The following KRTAP19-2 variants were observed in gnomAD, a reference collection of about 807,000 sequenced individuals.
The protein encoded by KRTAP19-2 is keratin associated protein 19-2.
Under a neutral mutation model 0.3 loss-of-function variants are expected in KRTAP19-2, and 2 were observed. The observed-to-expected ratio is 6.87, with a 90% CI of 2.81 to 21.61. KRTAP19-2 has a LOEUF of 21.61. Ranked by LOEUF, KRTAP19-2 falls within the 30% of genes most tolerant of loss-of-function variation. The pLI, the probability that KRTAP19-2 is intolerant of heterozygous loss-of-function variation, is 0.03. For missense variants in KRTAP19-2, 63 were observed against 63.1 expected, an observed-to-expected ratio of 1.00 and a Z score of 0.00; for synonymous variants, 31 against 24.6, an observed-to-expected ratio of 1.26 and a Z score of -0.77.
At position 30,487,048 on chromosome 21, in the gene KRTAP19-2, G is replaced by T; in HGVS notation, c.*142C>A. On this transcript the variant is annotated 3_prime_UTR_variant, in exon 1 of 1. Coordinates refer to ENST00000334055, the MANE Select transcript of KRTAP19-2 (RefSeq NM_181608.2). The stretch of plus-strand genomic sequence containing the variant: ...TTTTGGACTTGTTTGGGGTCTTATA[G>T]CCCCTTTGTTTTGGTCAATTTCTCC... 1 of 826,164 alleles carries T rather than the reference G, an allele frequency of 1.2e-6. No individual in the cohort carries two copies. The highest frequency in any genetic ancestry group is 1.7e-5 in the South Asian group (1 of 58,532). 51.2% of individuals were successfully genotyped at this position (826,164 alleles called of 1,614,324 possible).
Position 30,487,402 on chromosome 21 carries a change from A to C in KRTAP19-2, c.-54T>G, listed in dbSNP as rs546388004. 115 of 1,613,542 alleles carry C rather than the reference A, an allele frequency of 7.1e-5. No individual in the cohort carries two copies. In the South Asian group the frequency reaches 1.1e-3, roughly 15 times the overall value. On this transcript the variant is annotated 5_prime_UTR_variant, in exon 1 of 1. Coordinates refer to ENST00000334055, the MANE Select transcript of KRTAP19-2 (RefSeq NM_181608.2). ...AGACCTCCACAGTAGCTGCCCTAGTAGCTCACGGTGTCAGAGATAGTGAGT... is the reference window on the plus strand; with the variant it reads ...AGACCTCCACAGTAGCTGCCCTAGTCGCTCACGGTGTCAGAGATAGTGAGT...
In KRTAP19-2 at chr21:30,487,344, C is replaced by G. The variant is rs756415599; in HGVS notation, c.5G>C (p.Cys2Ser). 1 of 1,610,472 alleles carries G rather than the reference C, an allele frequency of 6.2e-7. No homozygotes were observed. Among genetic ancestry groups the G allele is most frequent in the East Asian group, 2.2e-5 (1 of 44,832 alleles). MCYGYGCGCGSF... is the reference protein window; with the variant it reads MSYGYGCGCGSF... The stretch of plus-strand genomic sequence containing the variant: ...GCCACATCCACAGCCGTAGCCATAG[C>G]ACATGCCACCAAAGCCTCCACAGCC... The change falls in exon 1 of 1, where the codon TGC becomes TCC. Residue 2 changes from cysteine to serine, a missense_variant. By Grantham distance (112) the Cys-to-Ser change is moderately radical. Transcript: ENST00000334055.
rs757748799 is a variant in KRTAP19-2, at chr21:30,487,353, C to A, written c.-5G>T. 298 of 1,610,336 alleles carry A rather than the reference C, an allele frequency of 1.9e-4. 1 individual carries two copies. Among genetic ancestry groups the A allele is most frequent in the Non-Finnish European group, 3.0e-5 (35 of 1,177,028 alleles). ...ACAGCCGTAGCCATAGCACATGCCA[C>A]CAAAGCCTCCACAGCCATAGCCCAG... On this transcript the variant is annotated 5_prime_UTR_variant, in exon 1 of 1. Transcript: ENST00000334055.
Position 30,487,337 on chromosome 21 carries a change from G to A in KRTAP19-2, c.12C>T (p.Gly4=). MCY[G]YGCGCGSFCR... is the part of the protein sequence containing the mutation. Reference sequence around the variant, plus strand: ...AGAAGCTGCCACATCCACAGCCGTAGCCATAGCACATGCCACCAAAGCCTC... The same window carrying A: ...AGAAGCTGCCACATCCACAGCCGTAACCATAGCACATGCCACCAAAGCCTC... The change falls in exon 1 of 1, where the codon GGC becomes GGT. Residue 4 remains glycine (G), a synonymous_variant. Coordinates refer to ENST00000334055, the MANE Select transcript of KRTAP19-2 (RefSeq NM_181608.2). The A allele has an allele frequency of 1.2e-6, 2 of 1,610,500 alleles. No homozygotes were observed. Among genetic ancestry groups the A allele is most frequent in the Non-Finnish European group, 1.7e-6 (2 of 1,177,038 alleles).
Position 30,487,392 on chromosome 21 carries a change from CT to C in KRTAP19-2, c.-45del. On this transcript the variant is annotated 5_prime_UTR_variant, in exon 1 of 1. Coordinates refer to ENST00000334055, the MANE Select transcript of KRTAP19-2 (RefSeq NM_181608.2). ...GCCATAGCCCAGACCTCCACAGTAG[CT>C]GCCCTAGTAGCTCACGGTGTCAGAG... 6.2e-7 allele frequency: 1 copy of C among 1,613,814 alleles called. No homozygotes were observed. The highest frequency in any genetic ancestry group is 8.5e-7 in the Non-Finnish European group (1 of 1,179,804).
rs999101318 is a variant in KRTAP19-2, at chr21:30,487,087, G to A, written c.*103C>T. ...GTCAATTTCTCCCTTTGGAATGGGA[G>A]CATTTACACATTTACACCTTTACCC... On this transcript the variant is annotated 3_prime_UTR_variant, in exon 1 of 1. Coordinates refer to ENST00000334055, the MANE Select transcript of KRTAP19-2 (RefSeq NM_181608.2). 15 of 1,237,860 alleles carry A rather than the reference G, an allele frequency of 1.2e-5. No individual in the cohort carries two copies. In the Admixed American group the frequency reaches 3.0e-4, roughly 24 times the overall value. 76.7% of individuals were successfully genotyped at this position (1,237,860 alleles called of 1,614,324 possible).
Position 30,487,081 on chromosome 21 carries a change from A to C in KRTAP19-2, c.*109T>G. On this transcript the variant is annotated 3_prime_UTR_variant, in exon 1 of 1. Coordinates refer to ENST00000334055, the MANE Select transcript of KRTAP19-2 (RefSeq NM_181608.2). ...GTTTTGGTCAATTTCTCCCTTTGGA[A>C]TGGGAGCATTTACACATTTACACCT... 8.4e-7 allele frequency: 1 copy of C among 1,192,594 alleles called. No homozygotes were observed. Among genetic ancestry groups the C allele is most frequent in the East Asian group, 2.4e-5 (1 of 41,526 alleles). The allele number at this position is 1,192,594 out of a possible 1,614,324, so 73.9% of individuals were successfully genotyped here. A position where few individuals can be genotyped will look rare whatever the true frequency, so the allele number is the denominator to read the frequency against.
At position 30,487,150 on chromosome 21, in the gene KRTAP19-2, C is replaced by T; in HGVS notation, c.*40G>A. ...AGAAGTAAGTAACTTGTTTTTAAAT[C>T]CCTTCAAAATAACAGATGCTGCATC... On this transcript the variant is annotated 3_prime_UTR_variant, in exon 1 of 1. Coordinates refer to ENST00000334055, the MANE Select transcript of KRTAP19-2 (RefSeq NM_181608.2). 6.3e-7 allele frequency: 1 copy of T among 1,593,304 alleles called. No homozygotes were observed. The highest frequency in any genetic ancestry group is 8.6e-7 in the Non-Finnish European group (1 of 1,161,392).
Position 30,487,176 on chromosome 21 carries a change from A to C in KRTAP19-2, c.*14T>G. 6.2e-7 allele frequency: 1 copy of C among 1,611,408 alleles called. No individual in the cohort carries two copies. The highest frequency in any genetic ancestry group is 1.1e-5 in the South Asian group (1 of 91,012). On this transcript the variant is annotated 3_prime_UTR_variant, in exon 1 of 1. Transcript: ENST00000334055. ...CCTTCAAAATAACAGATGCTGCATC[A>C]CTAGAGCAGCAGCTTAGTAGAAGCC...
chr21:30,487,117 T>G lies in KRTAP19-2; in HGVS notation c.*73A>C. The G allele has an allele frequency of 6.7e-7, 1 of 1,485,204 alleles. No individual in the cohort carries two copies. The highest frequency in any genetic ancestry group is 9.4e-7 in the Non-Finnish European group (1 of 1,069,086). The allele number at this position is 1,485,204 out of a possible 1,614,324, so 92.0% of individuals were successfully genotyped here. A position where few individuals can be genotyped will look rare whatever the true frequency, so the allele number is the denominator to read the frequency against. On this transcript the variant is annotated 3_prime_UTR_variant, in exon 1 of 1. Coordinates refer to ENST00000334055, the MANE Select transcript of KRTAP19-2 (RefSeq NM_181608.2). ...TACACATTTACACCTTTACCCCCAT[T>G]GTATCTTAGAAGTAAGTAACTTGTT...
chr21:30,487,378 G>T lies in KRTAP19-2; in HGVS notation c.-30C>A. On this transcript the variant is annotated 5_prime_UTR_variant, in exon 1 of 1. It adds an upstream start codon to the 5' untranslated region. Coordinates refer to ENST00000334055, the MANE Select transcript of KRTAP19-2 (RefSeq NM_181608.2). ...CCAAAGCCTCCACAGCCATAGCCCA[G>T]ACCTCCACAGTAGCTGCCCTAGTAG... The T allele has an allele frequency of 6.2e-7, 1 of 1,613,814 alleles. No homozygotes were observed. Among genetic ancestry groups the T allele is most frequent in the Non-Finnish European group, 8.5e-7 (1 of 1,179,810 alleles).
rs1164384576 is a variant in KRTAP19-2 at position 30,487,063 on chromosome 21, T to C, written c.*127A>G. The C allele has an allele frequency of 1.9e-6, 2 of 1,031,132 alleles. No individual in the cohort carries two copies. Among genetic ancestry groups the C allele is most frequent in the African/African-American group, 3.2e-5 (2 of 62,730 alleles). The allele number at this position is 1,031,132 out of a possible 1,614,324, so 63.9% of individuals were successfully genotyped here. ...GGGTCTTATAGCCCCTTTGTTTTGG[T>C]CAATTTCTCCCTTTGGAATGGGAGC... On this transcript the variant is annotated 3_prime_UTR_variant, in exon 1 of 1. Transcript: ENST00000334055.
chr21:30,487,153 T>G lies in KRTAP19-2; in HGVS notation c.*37A>C, dbSNP rs770339121. Reference sequence around the variant, plus strand: ...AGTAAGTAACTTGTTTTTAAATCCCTTCAAAATAACAGATGCTGCATCACT... The same window carrying G: ...AGTAAGTAACTTGTTTTTAAATCCCGTCAAAATAACAGATGCTGCATCACT... On this transcript the variant is annotated 3_prime_UTR_variant, in exon 1 of 1. Coordinates refer to ENST00000334055, the MANE Select transcript of KRTAP19-2 (RefSeq NM_181608.2). 19 of 1,606,706 alleles carry G rather than the reference T, an allele frequency of 1.2e-5. 1 individual carries two copies. The South Asian group carries it at 2.1e-4, about 18-fold the overall frequency.
chr21:30,487,078 G>T lies in KRTAP19-2; in HGVS notation c.*112C>A. 1 of 1,157,474 alleles carries T rather than the reference G, an allele frequency of 8.6e-7. No homozygotes were observed. Among genetic ancestry groups the T allele is most frequent in the Non-Finnish European group, 1.2e-6 (1 of 806,202 alleles). The allele number at this position is 1,157,474 out of a possible 1,614,324, so 71.7% of individuals were successfully genotyped here. A position where few individuals can be genotyped will look rare whatever the true frequency, so the allele number is the denominator to read the frequency against. On this transcript the variant is annotated 3_prime_UTR_variant, in exon 1 of 1. Coordinates refer to ENST00000334055, the MANE Select transcript of KRTAP19-2 (RefSeq NM_181608.2). Reference sequence around the variant, plus strand: ...TTTGTTTTGGTCAATTTCTCCCTTTGGAATGGGAGCATTTACACATTTACA... The same window carrying T: ...TTTGTTTTGGTCAATTTCTCCCTTTTGAATGGGAGCATTTACACATTTACA...
Position 30,487,336 on chromosome 21 carries a change from A to G in KRTAP19-2, c.13T>C (p.Tyr5His), listed in dbSNP as rs7280687. ...CAGAAGCTGCCACATCCACAGCCGT[A>G]GCCATAGCACATGCCACCAAAGCCT... MCYG[Y>H]GCGCGSFCRL... Residue 5 changes from tyrosine (Y) to histidine (H), a missense_variant, in exon 1 of 1, where the codon TAC (tyrosine) becomes CAC (histidine). Tyr to His is a moderately conservative substitution (Grantham distance 83). Coordinates refer to ENST00000334055, the MANE Select transcript of KRTAP19-2 (RefSeq NM_181608.2). The G allele has an allele frequency of 3.9e-3, 6,345 of 1,610,492 alleles. 202 individuals carry two copies. In the African/African-American group the frequency reaches 0.073, roughly 19 times the overall value.
chr21:30,487,280 T>A lies in KRTAP19-2; in HGVS notation c.69A>T (p.Gly23=), dbSNP rs746062942. Residue 23 remains glycine (G), a synonymous_variant, in exon 1 of 1, where the codon GGA becomes GGT. Transcript: ENST00000334055. ...CTCTGTGGCCACAACCATATCTGCATCCTTCATAGCCGCAGCCATAGCCCA... is the reference window on the plus strand; with the variant it reads ...CTCTGTGGCCACAACCATATCTGCAACCTTCATAGCCGCAGCCATAGCCCA... ...CRLGYGCGYE[G]CRYGCGHRGC... is the part of the protein sequence containing the mutation. 3 of 1,614,098 alleles carry A rather than the reference T, an allele frequency of 1.9e-6. No individual in the cohort carries two copies.
Position 30,487,060 on chromosome 21 carries a change from T to C in KRTAP19-2, c.*130A>G. The stretch of plus-strand genomic sequence containing the variant: ...TTGGGGTCTTATAGCCCCTTTGTTT[T>C]GGTCAATTTCTCCCTTTGGAATGGG... On this transcript the variant is annotated 3_prime_UTR_variant, in exon 1 of 1. Transcript: ENST00000334055. The C allele has an allele frequency of 1.0e-6, 1 of 957,050 alleles. No individual in the cohort carries two copies. The highest frequency in any genetic ancestry group is 1.6e-6 in the Non-Finnish European group (1 of 637,986). 59.3% of individuals were successfully genotyped at this position (957,050 alleles called of 1,614,324 possible).
Position 30,487,339 on chromosome 21 carries a change from C to T in KRTAP19-2, c.10G>A (p.Gly4Ser). 6.2e-7 allele frequency: 1 copy of T among 1,610,472 alleles called. No homozygotes were observed. The highest frequency in any genetic ancestry group is 8.5e-7 in the Non-Finnish European group (1 of 1,177,038). ...AAGCTGCCACATCCACAGCCGTAGC[C>T]ATAGCACATGCCACCAAAGCCTCCA... Reference protein sequence around the residue: MCYGYGCGCGSFCR... With the variant: MCYSYGCGCGSFCR... Residue 4 changes from glycine to serine, a missense_variant, in exon 1 of 1, where the codon GGC (glycine) becomes AGC (serine). Gly to Ser is a moderately conservative substitution (Grantham distance 56). Transcript: ENST00000334055.
chr21:30,487,156 A>G lies in KRTAP19-2; in HGVS notation c.*34T>C. On this transcript the variant is annotated 3_prime_UTR_variant, in exon 1 of 1. Coordinates refer to ENST00000334055, the MANE Select transcript of KRTAP19-2 (RefSeq NM_181608.2). ...AAGTAACTTGTTTTTAAATCCCTTC[A>G]AAATAACAGATGCTGCATCACTAGA... 6.2e-7 allele frequency: 1 copy of G among 1,607,760 alleles called. No individual in the cohort carries two copies. Among genetic ancestry groups the G allele is most frequent in the Non-Finnish European group, 8.5e-7 (1 of 1,174,354 alleles).
Sources: gnomAD v4.1 joint callset for allele counts on GRCh38, gnomAD v4.1.1 for gene constraint, MANE v1.5 for transcripts, NCBI Gene and HGNC (gene_info 2026-07-23, HGNC 2026-07-21) for gene names.